C10orf67: variants seen among roughly 807,000 people sequenced by gnomAD.
C10orf67 encodes the protein chromosome 10 open reading frame 67.
C10orf67 carries 60 observed loss-of-function variants against 35.6 expected under a neutral mutation model. The observed-to-expected ratio is 1.68, with a 90% CI of 1.37 to 2.09. The LOEUF is 2.09. Ranked by LOEUF, C10orf67 falls within the 30% of genes most tolerant of loss-of-function variation. The pLI is 0.00. For missense variants in C10orf67, 474 were observed against 330.2 expected (o/e 1.44, Z -3.38); for synonymous variants, 167 against 115.8 (o/e 1.44, Z -2.84).
intron 4 of C10orf67, among the ~76,000 whole-genome samples, chr10:23,306,436 A>G (rs1200882142): frequency 2.0e-5 from 3 of 151,768 alleles, no homozygotes; most frequent in Non-Finnish European, 4.4e-5. Flanking sequence ...AGGCAGGAGA[A>G]TCACTTGAAG....
At chr10:23,301,674 T>C (rs1430497253) in intron 5 of C10orf67, among the ~76,000 whole-genome samples, 2 of 152,044 alleles carry the variant, frequency 1.3e-5, no homozygotes, top group Non-Finnish European at 2.9e-5. Flanking sequence ...AATGGAATCT[T>C]GGGCCATGCG....
At chr10:23,318,751 C>T (rs1355509814) in intron 4 of C10orf67, 1 of 631,424 alleles carries the variant, frequency 1.6e-6, no homozygotes, top group African/African-American at 1.8e-5. Context: ...CTAACAGTGG[C>T]TTAGACACTG....
At chr10:23,208,729 C>A (rs1841224805) in intron 15 of C10orf67, among the ~76,000 whole-genome samples, 1 of 152,162 alleles carries the variant, frequency 6.6e-6, no homozygotes, top group Non-Finnish European at 1.5e-5. Context: ...TTATCCACAG[C>A]CTTTGCAGTT....
intron 10 of C10orf67, among the ~76,000 whole-genome samples, chr10:23,264,696 G>C (rs756442920): frequency 1.3e-5 from 2 of 152,214 alleles, no homozygotes; most frequent in Non-Finnish European, 2.9e-5. Context: ...TTTAGTTCCA[G>C]CCTTGGGGTT....
At chr10:23,327,981 T>C (rs1845262704) in intron 2 of C10orf67, among the ~76,000 whole-genome samples, 1 of 152,054 alleles carries the variant, frequency 6.6e-6, no homozygotes, top group South Asian at 2.1e-4. Flanking sequence ...ATCAGCAATA[T>C]AAAAATATTC....
intron 5 of C10orf67, among the ~76,000 whole-genome samples, chr10:23,301,835 G>C (rs941970791): frequency 6.6e-6 from 1 of 152,228 alleles, no homozygotes; most frequent in Non-Finnish European, 1.5e-5. Context: ...GAGAACCGTG[G>C]AACCCAGTAA....
chr10:23,320,703 C>G, intron 4 of C10orf67, 38 bp downstream of exon 4: 2 of 1,495,044 alleles, frequency 1.3e-6, no homozygotes, highest in Non-Finnish European at 1.8e-6. Context: ...CTGAAGCTAG[C>G]CTTGCCCACA....
At chr10:23,246,439 A>G (rs1564470059) in intron 12 of C10orf67, among the ~76,000 whole-genome samples, 2 of 152,252 alleles carry the variant, frequency 1.3e-5, no homozygotes, top group African/African-American at 4.8e-5. Context: ...AAATTCAGCA[A>G]AGGCAGTTAT....
chr10:23,314,499 C>CACACACACACAG (rs1293004069), intron 4 of C10orf67, among the ~76,000 whole-genome samples: 9 of 150,308 alleles, frequency 6.0e-5, no homozygotes, highest in Admixed American at 2.0e-4. Flanking sequence ...CACACACACA[C>CACACACACACAG]ACACACACAC....
intron 10 of C10orf67, 112 bp downstream of exon 10, chr10:23,266,150 G>C (rs1315979059): frequency 6.6e-6 from 2 of 304,970 alleles, no homozygotes; most frequent in African/African-American, 1.2e-4. Flanking sequence ...CCCCACTCAG[G>C]GGGTGAGAAC....
intron 13 of C10orf67, among the ~76,000 whole-genome samples, chr10:23,237,786 G>T (rs1442856732): frequency 6.6e-6 from 1 of 152,196 alleles, no homozygotes; most frequent in Non-Finnish European, 1.5e-5. Context: ...GGTGATGGGG[G>T]CAATGTATTG....
intron 8 of C10orf67, among the ~76,000 whole-genome samples, chr10:23,276,766 TA>T (rs1214426057): frequency 6.6e-6 from 1 of 152,138 alleles, no homozygotes; most frequent in Non-Finnish European, 1.5e-5. Flanking sequence ...TTGCGAGAGA[TA>T]AATGGCAATT....
intron 15 of C10orf67, among the ~76,000 whole-genome samples, chr10:23,214,792 T>C (rs894932001): frequency 6.6e-6 from 1 of 152,064 alleles, no homozygotes; most frequent in Non-Finnish European, 1.5e-5. Context: ...GGAGGCTAAG[T>C]TGGGCAGATC....
chr10:23,270,296 A>G (rs1208440181), intron 8 of C10orf67, among the ~76,000 whole-genome samples: 2 of 152,130 alleles, frequency 1.3e-5, no homozygotes, highest in Non-Finnish European at 2.9e-5. Flanking sequence ...CCCTGCCCCC[A>G]GCCAAGGGAA....
rs769062972 is a variant in C10orf67, at chr10:23,333,059, T to C, written c.327+3A>G. 23 of 1,609,100 alleles carry C rather than the reference T, an allele frequency of 1.4e-5. No homozygotes were observed. The African/African-American group carries it at 2.8e-4, about 20-fold the overall frequency. ...AGAAGTTTCAGAACAAATTCAGATT[T>C]ACCTGTGCTAACTTTTGCGTAGATG... On this transcript the variant is annotated splice_donor_region_variant and intron_variant, in intron 2 of 15. Transcript: ENST00000636213.
At chr10:23,341,727 G>C (rs950209129) in intron 1 of C10orf67, among the ~76,000 whole-genome samples, 1 of 152,094 alleles carries the variant, frequency 6.6e-6, no homozygotes, top group Non-Finnish European at 1.5e-5. Flanking sequence ...GCTGCTCCTA[G>C]GACATCCAGG....
At chr10:23,262,061 G>A (rs1462410526) in intron 10 of C10orf67, among the ~76,000 whole-genome samples, 3 of 152,112 alleles carry the variant, frequency 2.0e-5, no homozygotes, top group African/African-American at 7.2e-5. Context: ...CAAAGACAGT[G>A]GTCAACAGTC....
chr10:23,213,840 A>T (rs998624639), intron 15 of C10orf67, among the ~76,000 whole-genome samples: 1 of 152,144 alleles, frequency 6.6e-6, no homozygotes, highest in African/African-American at 2.4e-5. Flanking sequence ...GGTAATAAAA[A>T]TAGTCCAAAT....
chr10:23,265,388 T>C (rs1564479070), intron 10 of C10orf67, among the ~76,000 whole-genome samples: 1 of 152,124 alleles, frequency 6.6e-6, no homozygotes, highest in Non-Finnish European at 1.5e-5. Context: ...CTGCCCTGTG[T>C]AGGAGAAGAA....
Sources: gnomAD v4.1 joint callset for allele counts (sites outside exome capture counted in the v4.1 genomes callset) on GRCh38, gnomAD v4.1.1 for gene constraint, MANE v1.5 for transcripts, NCBI Gene and HGNC (gene_info 2026-07-23, HGNC 2026-07-21) for gene names.